Variants in RORA observed in about 807,000 individuals in gnomAD.
RORA encodes nuclear receptor ROR-alpha.
Under a neutral mutation model 69.5 loss-of-function variants are expected in RORA, and 7 were observed. That is an observed-to-expected ratio of 0.10 (90% CI 0.06 to 0.19). The LOEUF (loss-of-function observed/expected upper bound fraction) is 0.19, where lower values mean the gene tolerates loss of function less well. Among genes scored for constraint, RORA ranks in the 10% least tolerant of loss-of-function variants. RORA has a pLI of 1.00. For missense variants in RORA, 457 were observed against 663.0 expected, an observed-to-expected ratio of 0.69 and a Z score of 3.41; for synonymous variants, 261 against 240.8, an observed-to-expected ratio of 1.08 and a Z score of -0.78.
chr15:60,869,148 G>T (rs778936705), intron 1 of RORA, among the ~76,000 whole-genome samples: 3 of 152,158 alleles, frequency 2.0e-5, no homozygotes, highest in African/African-American at 4.8e-5. Flanking sequence ...TATTTTGGCT[G>T]AAATGACCAT....
chr15:60,735,603 G>A (rs1213627052), intron 1 of RORA, among the ~76,000 whole-genome samples: 6 of 151,832 alleles, frequency 4.0e-5, no homozygotes, highest in Non-Finnish European at 7.4e-5. Context: ...GTTGCACTTC[G>A]GCCTCCAGAA....
intron 2 of RORA, among the ~76,000 whole-genome samples, chr15:60,574,642 A>T (rs947327682): frequency 1.1e-4 from 16 of 152,252 alleles, no homozygotes; most frequent in Admixed American, 9.2e-4. Flanking sequence ...AGTGCCTGCC[A>T]TATGCTAAGT....
At chr15:60,915,089 T>C (rs1171417775) in intron 1 of RORA, among the ~76,000 whole-genome samples, 1 of 152,212 alleles carries the variant, frequency 6.6e-6, no homozygotes, top group Non-Finnish European at 1.5e-5. Flanking sequence ...ACACCAGAAC[T>C]TGAACACTAG....
At chr15:60,832,233 C>T (rs535145899) in intron 1 of RORA, among the ~76,000 whole-genome samples, 3 of 152,188 alleles carry the variant, frequency 2.0e-5, no homozygotes, top group African/African-American at 7.2e-5. Context: ...TCAGGTGGGG[C>T]CCTAGAATGA....
chr15:61,141,264 C>T (rs1376972346), intron 1 of RORA, among the ~76,000 whole-genome samples: 1 of 152,104 alleles, frequency 6.6e-6, no homozygotes, highest in Non-Finnish European at 1.5e-5. Flanking sequence ...ACCTATGTTA[C>T]TGAGAATAAA....
chr15:60,964,834 GC>G (rs1893507889), intron 1 of RORA, among the ~76,000 whole-genome samples: 1 of 152,206 alleles, frequency 6.6e-6, no homozygotes, highest in Admixed American at 6.5e-5. Context: ...GGCTGGAGTG[GC>G]CACTGAGAGG....
intron 2 of RORA, among the ~76,000 whole-genome samples, chr15:60,644,525 G>A (rs1321068592): frequency 6.6e-6 from 1 of 152,124 alleles, no homozygotes; most frequent in Non-Finnish European, 1.5e-5. Context: ...TAAAAATTAT[G>A]GAATATTTTT....
chr15:60,917,060 C>T (rs1891893943), intron 1 of RORA, among the ~76,000 whole-genome samples: 1 of 152,102 alleles, frequency 6.6e-6, no homozygotes, highest in African/African-American at 2.4e-5. Context: ...AGCCCAAAAC[C>T]CTCAACAGAG....
intron 2 of RORA, among the ~76,000 whole-genome samples, chr15:60,589,147 A>G (rs2140510501): frequency 6.6e-6 from 1 of 152,360 alleles, no homozygotes; most frequent in Non-Finnish European, 1.5e-5. Context: ...ATCCCAGTGA[A>G]GGGATACCAG....
chr15:60,774,780 C>G (rs73428312), intron 1 of RORA, among the ~76,000 whole-genome samples: 104 of 152,336 alleles, frequency 6.8e-4, no homozygotes, highest in African/African-American at 2.5e-3. Flanking sequence ...GTAATTTCAT[C>G]CTAAAGCAGA....
intron 2 of RORA, among the ~76,000 whole-genome samples, chr15:60,626,372 C>T (rs1283393142): frequency 2.6e-5 from 4 of 152,114 alleles, no homozygotes; most frequent in South Asian, 2.1e-4. Flanking sequence ...TTTTGAAATT[C>T]GGGTTTTGTT....
Position 61,213,200 on chromosome 15 carries a change from T to C in RORA, c.166+15853A>G, listed in dbSNP as rs1370747810. 1.3e-5 allele frequency among the ~76,000 whole-genome samples: 2 copies of C among 152,060 alleles called. No individual in the cohort carries two copies. The highest frequency in any genetic ancestry group is 2.1e-4 in the South Asian group (1 of 4,826). On this transcript the variant is annotated intron_variant, in intron 1 of 10. Coordinates refer to ENST00000335670, the MANE Select transcript of RORA (RefSeq NM_134261.3). The surrounding 1 kb of genome is among the most constrained non-coding windows in gnomAD (Gnocchi z 4.1). The stretch of plus-strand genomic sequence containing the variant: ...CACTTGACTCCTGCCATTCCCTCCA[T>C]CATGTTCTTCCAACTCCACTTCCTG...
chr15:60,628,369 G>T lies in RORA; in HGVS notation c.196+50288C>A, dbSNP rs140702517. ...TTAGACTGGGGTTTGTTTATTTTAT[G>T]TATTTATTCTTTTGGAGATGGGGTC... is the stretch of plus-strand genomic sequence containing the variant. On this transcript the variant is annotated intron_variant, in intron 2 of 10. Transcript: ENST00000335670. Among the ~76,000 whole-genome samples the T allele has an allele frequency of 3.6e-3, 542 of 152,218 alleles. 1 individual carries two copies. Among genetic ancestry groups the T allele is most frequent in the East Asian group, 0.017 (87 of 5,176 alleles).
intron 1 of RORA, among the ~76,000 whole-genome samples, chr15:60,995,546 G>T (rs780273980): frequency 6.6e-6 from 1 of 151,956 alleles, no homozygotes; most frequent in African/African-American, 2.4e-5. Context: ...GCTTCCTCCC[G>T]CTCACTTAGT....
intron 1 of RORA, among the ~76,000 whole-genome samples, chr15:61,033,199 AAAAC>A (rs1341243490): frequency 6.6e-6 from 1 of 152,190 alleles, no homozygotes; most frequent in Non-Finnish European, 1.5e-5. Flanking sequence ...CTATGGCTAC[AAAAC>A]AAACAGGAGA....
intron 1 of RORA, among the ~76,000 whole-genome samples, chr15:60,890,176 T>C (rs951758557): frequency 1.3e-5 from 2 of 152,226 alleles, no homozygotes; most frequent in Admixed American, 1.3e-4. Flanking sequence ...AGTCACCTGA[T>C]GTTAGAGCTG....
chr15:61,019,061 T>C (rs1440192522), intron 1 of RORA, among the ~76,000 whole-genome samples: 1 of 152,232 alleles, frequency 6.6e-6, no homozygotes, highest in African/African-American at 2.4e-5. Flanking sequence ...TTTTTAGTTC[T>C]GCTAAGATCC....
At chr15:60,721,820 C>G (rs982510930) in intron 1 of RORA, among the ~76,000 whole-genome samples, 1 of 152,252 alleles carries the variant, frequency 6.6e-6, no homozygotes, top group African/African-American at 2.4e-5. Context: ...ATTATTTCTG[C>G]AGAGGGTCAT....
At chr15:61,199,546 G>A (rs2079876349) in intron 1 of RORA, among the ~76,000 whole-genome samples, 1 of 152,214 alleles carries the variant, frequency 6.6e-6, no homozygotes, top group African/African-American at 2.4e-5. Flanking sequence ...CCAGACCTGT[G>A]CTGCCTGCCC....
Sources: gnomAD v4.1 joint callset for allele counts (sites outside exome capture counted in the v4.1 genomes callset) on GRCh38, gnomAD v4.1.1 for gene constraint, Gnocchi (gnomAD v3.1) non-coding constraint, MANE v1.5 for transcripts, NCBI Gene and HGNC (gene_info 2026-07-23, HGNC 2026-07-21) for gene names.